The following NTNG1 variants were observed in gnomAD, a reference collection of about 807,000 sequenced individuals.
NTNG1 encodes netrin G1.
Under a neutral mutation model 54.0 loss-of-function variants are expected in NTNG1, and 16 were observed. The observed-to-expected ratio is 0.30, with a 90% CI of 0.20 to 0.45. The LOEUF (loss-of-function observed/expected upper bound fraction) is 0.45. Among genes scored for constraint, NTNG1 ranks in the 20% least tolerant of loss-of-function variants. The pLI, the probability that NTNG1 is intolerant of heterozygous loss-of-function variation, is 1.00. For missense variants in NTNG1, 530 were observed against 678.7 expected, an observed-to-expected ratio of 0.78 and a Z score of 2.43; for synonymous variants, 255 against 263.1, an observed-to-expected ratio of 0.97 and a Z score of 0.30.
chr1:107,303,875 CG>C (rs545367492), intron 2 of NTNG1, among the ~76,000 whole-genome samples: 280 of 152,186 alleles, frequency 1.8e-3, no homozygotes, highest in South Asian at 3.3e-3. Context: ...ATAGTACAAA[CG>C]GGGTTTCACC....
chr1:107,441,235 CTT>C (rs1675944714), intron 7 of NTNG1, among the ~76,000 whole-genome samples: 1 of 20,416 alleles, frequency 4.9e-5, no homozygotes, highest in African/African-American at 8.1e-5. Context: ...AGATTTATGA[CTT>C]TTCAGTTTGG....
intron 7 of NTNG1, 101 bp from the exon 8 acceptor site, chr1:107,480,510 T>A: frequency 1.4e-6 from 1 of 730,446 alleles, no homozygotes; most frequent in South Asian, 1.9e-5. Context: ...CGATAGAGAT[T>A]TTTTTTTTAG....
Position 107,415,870 on chromosome 1 carries a change from T to A in NTNG1, c.1087+8162T>A, listed in dbSNP as rs552926325. On this transcript the variant is annotated intron_variant, in intron 5 of 7. Transcript: ENST00000370068. ...GACATACTATTAAAGTAGCCTCTAATATGCTTAATTTACTTCTGGGAATTA... is the reference window on the plus strand; with the variant it reads ...GACATACTATTAAAGTAGCCTCTAAAATGCTTAATTTACTTCTGGGAATTA... Among the ~76,000 whole-genome samples the A allele has an allele frequency of 4.6e-5, 7 of 152,276 alleles. No homozygotes were observed. The South Asian group carries it at 1.4e-3, about 32-fold the overall frequency.
intron 3 of NTNG1, among the ~76,000 whole-genome samples, chr1:107,339,430 A>G (rs1280792205): frequency 6.6e-6 from 1 of 152,132 alleles, no homozygotes; most frequent in Non-Finnish European, 1.5e-5. Flanking sequence ...TATAATGTAT[A>G]ACATACACTT....
intron 2 of NTNG1, among the ~76,000 whole-genome samples, chr1:107,315,318 G>A (rs1169024895): frequency 1.3e-5 from 2 of 152,024 alleles, no homozygotes; most frequent in Non-Finnish European, 1.5e-5. Flanking sequence ...AACCTCCTAC[G>A]GGTTGCTCTG....
rs113866125 is a variant in NTNG1, at chr1:107,304,018, GA to G, written c.247-20251del. ...TGTTTTGAACCCCTGCCTCTTTTCA[GA>G]AAAAAAAAAAAATAGTAATTGCAGA... On this transcript the variant is annotated intron_variant, in intron 2 of 7. Coordinates refer to ENST00000370068, the MANE Select transcript of NTNG1 (RefSeq NM_001113226.3). 7.0e-3 allele frequency among the ~76,000 whole-genome samples: 978 copies of G among 139,930 alleles called. 10 individuals carry two copies. The highest frequency in any genetic ancestry group is 0.021 in the African/African-American group (826 of 38,866). The allele number at this position is 139,930 out of a possible 152,430, so 91.8% of individuals were successfully genotyped here. A position where few individuals can be genotyped will look rare whatever the true frequency, so the allele number is the denominator to read the frequency against.
At chr1:107,218,907 T>C (rs1338389723) in intron 2 of NTNG1, among the ~76,000 whole-genome samples, 2 of 152,126 alleles carry the variant, frequency 1.3e-5, no homozygotes, top group African/African-American at 4.8e-5. Flanking sequence ...GCAATGAATT[T>C]CCCAGGTGTT....
intron 2 of NTNG1, among the ~76,000 whole-genome samples, chr1:107,154,864 A>G (rs1654861673): frequency 6.6e-6 from 1 of 152,058 alleles, no homozygotes. Context: ...AATGTGGCTT[A>G]TCTACCTGGA....
At chr1:107,240,599 C>T (rs1170854127) in intron 2 of NTNG1, among the ~76,000 whole-genome samples, 2 of 152,224 alleles carry the variant, frequency 1.3e-5, no homozygotes, top group South Asian at 2.1e-4. Flanking sequence ...AAAATGTGCA[C>T]ATTCCTCTGC....
At chr1:107,213,141 T>C (rs1659704079) in intron 2 of NTNG1, among the ~76,000 whole-genome samples, 1 of 151,980 alleles carries the variant, frequency 6.6e-6, no homozygotes, top group African/African-American at 2.4e-5. Flanking sequence ...TAATGCTGTT[T>C]TCAGTTGTAA....
intron 2 of NTNG1, among the ~76,000 whole-genome samples, chr1:107,281,364 C>G (rs1664849119): frequency 6.7e-6 from 1 of 149,748 alleles, no homozygotes; most frequent in Non-Finnish European, 1.5e-5. Flanking sequence ...ATTTTTTTTT[C>G]AGAAAAATAA....
At chr1:107,316,735 G>A (rs1667360415) in intron 2 of NTNG1, among the ~76,000 whole-genome samples, 1 of 152,164 alleles carries the variant, frequency 6.6e-6, no homozygotes, top group South Asian at 2.1e-4. Context: ...TTAGGCGCAT[G>A]AGCAACCCAT....
chr1:107,405,310 C>A (rs1047494000), intron 4 of NTNG1, among the ~76,000 whole-genome samples: 3 of 152,120 alleles, frequency 2.0e-5, no homozygotes, highest in Non-Finnish European at 4.4e-5. Context: ...GTTTAAAAAT[C>A]TTTTCTAAGC....
intron 2 of NTNG1, among the ~76,000 whole-genome samples, chr1:107,168,998 C>G (rs1417992993): frequency 1.3e-5 from 2 of 152,086 alleles, no homozygotes; most frequent in Non-Finnish European, 2.9e-5. Flanking sequence ...TAAAATAAAA[C>G]TAACCATTGC....
chr1:107,311,524 C>CT (rs1268071456), intron 2 of NTNG1, among the ~76,000 whole-genome samples: 5 of 151,746 alleles, frequency 3.3e-5, no homozygotes, highest in Non-Finnish European at 5.9e-5. Flanking sequence ...TGGAGTTGGA[C>CT]TTTTTTTTTC....
chr1:107,378,739 C>A (rs993511696), intron 3 of NTNG1, among the ~76,000 whole-genome samples: 2 of 152,132 alleles, frequency 1.3e-5, no homozygotes, highest in Admixed American at 6.5e-5. Flanking sequence ...AGTGTCTTGA[C>A]GGACTTAAAT....
At chr1:107,473,262 C>A (rs1678099776) in intron 7 of NTNG1, among the ~76,000 whole-genome samples, 2 of 152,172 alleles carry the variant, frequency 1.3e-5, no homozygotes, top group African/African-American at 4.8e-5. Context: ...TCAAGCATAG[C>A]AGCTCACTGA....
chr1:107,244,192 G>C (rs553023782), intron 2 of NTNG1, among the ~76,000 whole-genome samples: 4 of 152,216 alleles, frequency 2.6e-5, no homozygotes, highest in Admixed American at 2.6e-4. Context: ...TATATACATA[G>C]AAACCAATAA....
chr1:107,324,367 G>A lies in NTNG1; in HGVS notation c.332G>A (p.Gly111Glu). 6.2e-7 allele frequency: 1 copy of A among 1,613,804 alleles called. No individual in the cohort carries two copies. The highest frequency in any genetic ancestry group is 1.7e-5 in the Admixed American group (1 of 59,966). The change falls in exon 3 of 8, where the codon GGA becomes GAA. Residue 111 changes from glycine to glutamate, a missense_variant. By Grantham distance (98) the Gly-to-Glu change is moderately conservative (BLOSUM62 -2). Coordinates refer to ENST00000370068, the MANE Select transcript of NTNG1 (RefSeq NM_001113226.3). ...HPPELMFDFE[G>E]RHPSTFWQSA... is the part of the protein sequence containing the mutation. ...CCTGAGCTGATGTTTGATTTTGAAG[G>A]AAGACATCCCTCCACATTTTGGCAG...
Sources: allele counts gnomAD v4.1 joint callset (sites outside exome capture counted in the v4.1 genomes callset), GRCh38; gene constraint gnomAD v4.1.1; transcripts MANE v1.5; gene names NCBI Gene and HGNC (gene_info 2026-07-23, HGNC 2026-07-21).